SLC35F4: variants seen among roughly 807,000 people sequenced by gnomAD.
SLC35F4 encodes the protein solute carrier family 35 member F4, also known as chromosome 14 open reading frame 36.
In SLC35F4, 24 loss-of-function variants were observed where a neutral mutation model predicts 44.2. The observed-to-expected ratio is 0.54, with a 90% CI of 0.39 to 0.76. SLC35F4 has a LOEUF of 0.76. Among genes scored for constraint, SLC35F4 ranks in the 30% least tolerant of loss-of-function variants. The pLI is 0.00. For missense variants in SLC35F4, 562 were observed against 586.1 expected, an observed-to-expected ratio of 0.96 and a Z score of 0.42; for synonymous variants, 238 against 223.6, an observed-to-expected ratio of 1.06 and a Z score of -0.57.
At chr14:57,566,327 G>T in intron 7 of SLC35F4, 148 bp downstream of exon 7, 2 of 651,064 alleles carry the variant, frequency 3.1e-6, no homozygotes, top group Non-Finnish European at 2.5e-6. Context: ...TTACTCTGTT[G>T]TCTGCCACCT....
At chr14:57,581,822 G>A (rs1418222656) in intron 3 of SLC35F4, among the ~76,000 whole-genome samples, 2 of 152,234 alleles carry the variant, frequency 1.3e-5, no homozygotes, top group Non-Finnish European at 2.9e-5. Flanking sequence ...CTGTGAACGG[G>A]CTACAGACAA....
intron 1 of SLC35F4, among the ~76,000 whole-genome samples, chr14:57,714,249 G>A (rs2075881555): frequency 6.6e-6 from 1 of 152,060 alleles, no homozygotes; most frequent in Non-Finnish European, 1.5e-5. Context: ...TCATAGACCT[G>A]ACAATAATGC....
chr14:57,693,832 G>A (rs546180110), intron 1 of SLC35F4, among the ~76,000 whole-genome samples: 1 of 152,048 alleles, frequency 6.6e-6, no homozygotes, highest in African/African-American at 2.4e-5. Flanking sequence ...ATCTGTGTAG[G>A]TTCTATGCCC....
At chr14:57,712,806 G>A (rs1310597150) in intron 1 of SLC35F4, among the ~76,000 whole-genome samples, 1 of 152,134 alleles carries the variant, frequency 6.6e-6, no homozygotes, top group Non-Finnish European at 1.5e-5. Context: ...AAAAGTAAAA[G>A]AAGTTATTTA....
intron 1 of SLC35F4, among the ~76,000 whole-genome samples, chr14:57,618,906 G>C (rs1456266958): frequency 1.3e-5 from 2 of 152,154 alleles, no homozygotes; most frequent in Admixed American, 6.5e-5. Context: ...TACACTCACA[G>C]TGTAAACAAA....
intron 1 of SLC35F4, among the ~76,000 whole-genome samples, chr14:57,897,787 C>T (rs1185915234): frequency 1.3e-5 from 2 of 152,174 alleles, no homozygotes; most frequent in African/African-American, 4.8e-5. Flanking sequence ...AGCATCACTG[C>T]CTTGCTTCTA....
intron 1 of SLC35F4, among the ~76,000 whole-genome samples, chr14:57,696,679 A>G (rs1255064750): frequency 6.6e-6 from 1 of 152,252 alleles, no homozygotes; most frequent in Non-Finnish European, 1.5e-5. Flanking sequence ...ATGCCCATCA[A>G]TGATAGACTG....
At position 57,813,223 on chromosome 14, in the gene SLC35F4, C is replaced by T. The variant is rs570408523; in HGVS notation, c.103+52500G>A. Among the ~76,000 whole-genome samples, 3 of 152,348 alleles carry T rather than the reference C, an allele frequency of 2.0e-5. No homozygotes were observed. In the East Asian group the frequency reaches 5.8e-4, roughly 29 times the overall value. On this transcript the variant is annotated intron_variant, in intron 1 of 7. Transcript: ENST00000556826. ...GCCCAACTCCACCCCAACACCACGC[C>T]CTACTGGGGCACTCTGCAGTATGGC...
At chr14:57,967,881 G>A (rs1057210329) in intron 1 of SLC35F4, among the ~76,000 whole-genome samples, 1 of 152,168 alleles carries the variant, frequency 6.6e-6, no homozygotes, top group Admixed American at 6.5e-5. Flanking sequence ...TGGTTTGATA[G>A]GTAAGACAGA....
intron 1 of SLC35F4, among the ~76,000 whole-genome samples, chr14:57,685,820 T>C (rs7160377): frequency 0.026 from 3,904 of 152,312 alleles, 162 homozygotes; most frequent in African/African-American, 0.088. Context: ...AAATTTTACT[T>C]ATGAGCAGTC....
chr14:57,696,242 AC>A (rs1263123536), intron 1 of SLC35F4, among the ~76,000 whole-genome samples: 2 of 152,184 alleles, frequency 1.3e-5, no homozygotes, highest in African/African-American at 2.4e-5. Context: ...TAAGAAAAAA[AC>A]AAACTCATCA....
intron 1 of SLC35F4, among the ~76,000 whole-genome samples, chr14:57,888,403 T>C (rs1888696011): frequency 6.6e-6 from 1 of 152,174 alleles, no homozygotes; most frequent in Non-Finnish European, 1.5e-5. Context: ...AGATGCAGAC[T>C]CTGGGACCAG....
chr14:57,588,823 G>T (rs914934285), intron 3 of SLC35F4, among the ~76,000 whole-genome samples: 29 of 152,118 alleles, frequency 1.9e-4, no homozygotes, highest in African/African-American at 6.5e-4. Context: ...GCACTGGGAT[G>T]TTCTTATAAA....
intron 1 of SLC35F4, among the ~76,000 whole-genome samples, chr14:57,742,576 G>C (rs2076640473): frequency 6.6e-6 from 1 of 152,252 alleles, no homozygotes; most frequent in East Asian, 1.9e-4. Context: ...CATAAAGCAA[G>C]TTCTTAGAGA....
chr14:57,702,258 G>A (rs964085431), intron 1 of SLC35F4, among the ~76,000 whole-genome samples: 107 of 147,992 alleles, frequency 7.2e-4, no homozygotes, highest in African/African-American at 2.6e-3. Flanking sequence ...TTACCCCCCT[G>A]AATACGCACA....
intron 1 of SLC35F4, among the ~76,000 whole-genome samples, chr14:57,733,530 A>G (rs2140480742): frequency 6.6e-6 from 1 of 152,076 alleles, no homozygotes; most frequent in Non-Finnish European, 1.5e-5. Context: ...AACAAGATTT[A>G]TTGTAAAATG....
At chr14:57,762,138 A>G (rs746668684) in intron 1 of SLC35F4, among the ~76,000 whole-genome samples, 55 of 152,192 alleles carry the variant, frequency 3.6e-4, no homozygotes, top group Non-Finnish European at 4.9e-4. Context: ...ATTAAGTTGG[A>G]TAAATCTAAT....
upstream of SLC35F4, among the ~76,000 whole-genome samples, chr14:57,867,603 C>CCT (rs1555398942): frequency 3.2e-5 from 1 of 31,512 alleles, no homozygotes; most frequent in South Asian, 1.1e-3. Flanking sequence ...TGCCTTTACA[C>CCT]CCCCCCCCAC....
intron 1 of SLC35F4, among the ~76,000 whole-genome samples, chr14:57,632,206 A>G (rs1253001855): frequency 6.6e-6 from 1 of 152,056 alleles, no homozygotes; most frequent in Non-Finnish European, 1.5e-5. Flanking sequence ...TTAAAACTGT[A>G]GCAGTAGTTT....
Sources: gnomAD v4.1 joint callset for allele counts (sites outside exome capture counted in the v4.1 genomes callset) on GRCh38, gnomAD v4.1.1 for gene constraint, MANE v1.5 for transcripts, NCBI Gene and HGNC (gene_info 2026-07-23, HGNC 2026-07-21) for gene names.